The following DYM variants were observed in gnomAD, a reference collection of about 807,000 sequenced individuals.
The protein encoded by DYM is dymeclin.
DYM carries 78 observed loss-of-function variants against 93.1 expected under a neutral mutation model. The ratio of observed to expected loss-of-function variants is 0.84; its 90% CI spans 0.70 to 1.01. The LOEUF is 1.01. Ranked by LOEUF, DYM falls within the 50% of genes least tolerant of loss-of-function variation. The pLI is 0.00. For synonymous variants in DYM, 321 were observed against 319.7 expected (o/e 1.00, Z -0.04); for missense variants, 789 against 845.0 (o/e 0.93, Z 0.82).
chr18:49,086,153 G>A (rs2078504460), intron 17 of DYM, among the ~76,000 whole-genome samples: 1 of 152,142 alleles, frequency 6.6e-6, no homozygotes. Context: ...CTGCTTATAA[G>A]AGAATACCTG....
chr18:49,272,034 A>T, intron 11 of DYM, 144 bp downstream of exon 11: 1 of 610,030 alleles, frequency 1.6e-6, no homozygotes, highest in South Asian at 3.2e-5. Flanking sequence ...GCACCGCTTC[A>T]TAAATCTGAA....
intron 17 of DYM, among the ~76,000 whole-genome samples, chr18:49,073,102 T>C (rs1466136036): frequency 6.6e-6 from 1 of 152,200 alleles, no homozygotes; most frequent in African/African-American, 2.4e-5. Flanking sequence ...ACATAGTGAC[T>C]CAATCTCAGG....
chr18:49,362,968 G>A (rs749450464), intron 6 of DYM, among the ~76,000 whole-genome samples, 193 bp downstream of exon 6: 10 of 152,128 alleles, frequency 6.6e-5, no homozygotes, highest in African/African-American at 2.2e-4. Context: ...CCTTAACAAC[G>A]TAACATTTTT....
chr18:49,359,375 C>T (rs544953236), intron 6 of DYM, among the ~76,000 whole-genome samples: 2 of 152,066 alleles, frequency 1.3e-5, no homozygotes, highest in Non-Finnish European at 2.9e-5. Context: ...GAAAGATGAA[C>T]AATTTTAATG....
At chr18:49,187,758 G>C (rs1465347471) in intron 14 of DYM, among the ~76,000 whole-genome samples, 1 of 152,146 alleles carries the variant, frequency 6.6e-6, no homozygotes, top group Non-Finnish European at 1.5e-5. Context: ...ATTTGGTTAT[G>C]TAAGAGGGAA....
chr18:49,202,325 C>T (rs2145912184), intron 14 of DYM, among the ~76,000 whole-genome samples: 1 of 152,170 alleles, frequency 6.6e-6, no homozygotes, highest in South Asian at 2.1e-4. Context: ...AGTGCAGTGG[C>T]GTGATCTCGG....
intron 14 of DYM, among the ~76,000 whole-genome samples, chr18:49,190,922 A>G (rs1043996879): frequency 6.6e-6 from 1 of 152,040 alleles, no homozygotes; most frequent in African/African-American, 2.4e-5. Context: ...AATACAGTAT[A>G]TAAAACATAA....
chr18:49,221,986 T>TA (rs56665546), intron 13 of DYM, among the ~76,000 whole-genome samples: 6,357 of 150,138 alleles, frequency 0.042, 433 homozygotes, highest in African/African-American at 0.14. Flanking sequence ...TGTTATTTTA[T>TA]AAAAAAAAAA....
intron 2 of DYM, among the ~76,000 whole-genome samples, chr18:49,421,659 G>A (rs192078142): frequency 6.5e-4 from 99 of 152,346 alleles, no homozygotes; most frequent in African/African-American, 2.1e-3. Context: ...TGACTTTGAC[G>A]AGTGGAGAGA....
intron 13 of DYM, among the ~76,000 whole-genome samples, chr18:49,221,125 C>T (rs949261266): frequency 3.0e-4 from 45 of 152,288 alleles, no homozygotes; most frequent in Non-Finnish European, 5.6e-4. Context: ...CAAAAGAAGA[C>T]ATTTATGCAG....
chr18:49,424,333 G>A (rs374258454), intron 2 of DYM, among the ~76,000 whole-genome samples: 1 of 152,072 alleles, frequency 6.6e-6, no homozygotes, highest in Non-Finnish European at 1.5e-5. Context: ...AAAGGCCTTT[G>A]ACAAAATTCA....
intron 5 of DYM, among the ~76,000 whole-genome samples, chr18:49,377,518 C>T (rs1434584710): frequency 6.6e-6 from 1 of 151,972 alleles, no homozygotes; most frequent in Non-Finnish European, 1.5e-5. Flanking sequence ...CAAGATCGCA[C>T]CACTGCATTC....
Position 49,408,488 on chromosome 18 carries a change from G to A in DYM, c.141-16843C>T, listed in dbSNP as rs142285172. On this transcript the variant is annotated intron_variant, in intron 2 of 17. Transcript: ENST00000675505. ...GAACACTTCTGTTCTGATGAATGTC[G>A]CAAATTATATTCCAGAAAGATTACC... is the stretch of plus-strand genomic sequence containing the variant. 6.6e-3 allele frequency among the ~76,000 whole-genome samples: 1,005 copies of A among 152,268 alleles called. 8 individuals carry two copies. The highest frequency in any genetic ancestry group is 0.012 in the Admixed American group (190 of 15,292).
intron 15 of DYM, among the ~76,000 whole-genome samples, chr18:49,141,247 G>A (rs2084458580): frequency 6.6e-6 from 1 of 152,078 alleles, no homozygotes; most frequent in African/African-American, 2.4e-5. Flanking sequence ...TCAGCATGTT[G>A]ACAACTGGAC....
chr18:49,273,037 A>C (rs565402566), intron 10 of DYM, among the ~76,000 whole-genome samples: 1 of 152,248 alleles, frequency 6.6e-6, no homozygotes, highest in Admixed American at 6.5e-5. Context: ...CTATCATCTA[A>C]ATCAGACAAC....
At chr18:49,444,368 T>A (rs1319786071) in intron 1 of DYM, among the ~76,000 whole-genome samples, 3 of 152,218 alleles carry the variant, frequency 2.0e-5, no homozygotes, top group Non-Finnish European at 4.4e-5. Flanking sequence ...ATGAAAAGAA[T>A]GACCCTCAAC....
intron 6 of DYM, among the ~76,000 whole-genome samples, chr18:49,336,188 GCC>G (rs2063658180): frequency 6.6e-6 from 1 of 152,186 alleles, no homozygotes; most frequent in South Asian, 2.1e-4. Context: ...CTTACTGTAT[GCC>G]TCAGATCTAG....
chr18:49,211,080 C>T (rs2092760960), intron 13 of DYM, among the ~76,000 whole-genome samples: 1 of 152,090 alleles, frequency 6.6e-6, no homozygotes, highest in South Asian at 2.1e-4. Context: ...CTTAGAAATC[C>T]TTTGGAAAAG....
intron 17 of DYM, among the ~76,000 whole-genome samples, chr18:49,066,916 G>A (rs2076435862): frequency 6.6e-6 from 1 of 152,176 alleles, no homozygotes; most frequent in African/African-American, 2.4e-5. Context: ...TACATGCAGT[G>A]TGTGTCTATT....
Sources: allele counts gnomAD v4.1 joint callset (sites outside exome capture counted in the v4.1 genomes callset), GRCh38; gene constraint gnomAD v4.1.1; transcripts MANE v1.5; gene names NCBI Gene and HGNC (gene_info 2026-07-23, HGNC 2026-07-21).